Variants in SPOCK3 observed in about 807,000 individuals in gnomAD.
The protein encoded by SPOCK3 is testican-3.
In SPOCK3, 30 loss-of-function variants were observed where a neutral mutation model predicts 56.6. The observed-to-expected ratio is 0.53, with a 90% CI of 0.40 to 0.72. The LOEUF (loss-of-function observed/expected upper bound fraction) is 0.72. Among genes scored for constraint, SPOCK3 ranks in the 30% least tolerant of loss-of-function variants. SPOCK3 has a pLI of 0.00. For synonymous variants in SPOCK3, 196 were observed against 183.3 expected (o/e 1.07, Z -0.56); for missense variants, 527 against 530.0 (o/e 0.99, Z 0.06).
At chr4:166,819,903 G>C (rs541412996) in intron 6 of SPOCK3, among the ~76,000 whole-genome samples, 2 of 151,798 alleles carry the variant, frequency 1.3e-5, no homozygotes, top group African/African-American at 4.8e-5. Flanking sequence ...ATAATTTTTC[G>C]TAGAGACAGA....
intron 6 of SPOCK3, among the ~76,000 whole-genome samples, chr4:166,813,700 G>C (rs1407112521): frequency 6.6e-6 from 1 of 151,732 alleles, no homozygotes; most frequent in African/African-American, 2.4e-5. Context: ...GGAGTCTTCA[G>C]TAAGTTTATG....
In SPOCK3 at chr4:166,734,779, A is replaced by T; in HGVS notation, c.*142T>A. Reference sequence around the variant, plus strand: ...TTTAAACATAAAGTTCTATAACTTTAGCTGCAATTTTTCAAATAATTATAC... The same window carrying T: ...TTTAAACATAAAGTTCTATAACTTTTGCTGCAATTTTTCAAATAATTATAC... On this transcript the variant is annotated 3_prime_UTR_variant, in exon 11 of 11. Transcript: ENST00000357545. 1.4e-6 allele frequency: 1 copy of T among 704,544 alleles called. No homozygotes were observed. The highest frequency in any genetic ancestry group is 2.2e-6 in the Non-Finnish European group (1 of 447,370). The allele number at this position is 704,544 out of a possible 1,614,324, so 43.6% of individuals were successfully genotyped here.
At chr4:166,841,555 T>C (rs1413589891) in intron 6 of SPOCK3, among the ~76,000 whole-genome samples, 1 of 152,250 alleles carries the variant, frequency 6.6e-6, no homozygotes, top group Non-Finnish European at 1.5e-5. Flanking sequence ...TTTCTAGCTC[T>C]TATTTTTGTG....
intron 2 of SPOCK3, among the ~76,000 whole-genome samples, chr4:167,201,057 G>A (rs1412510002): frequency 1.3e-5 from 2 of 151,890 alleles, no homozygotes; most frequent in African/African-American, 2.4e-5. Context: ...TTAAGATACT[G>A]GCAATTTCTC....
At chr4:167,130,351 GTTTT>G (rs1190086119) in intron 2 of SPOCK3, among the ~76,000 whole-genome samples, 1 of 151,970 alleles carries the variant, frequency 6.6e-6, no homozygotes, top group African/African-American at 2.4e-5. Flanking sequence ...AAAATTTGGA[GTTTT>G]TTTATTTACT....
chr4:167,105,038 TA>T (rs1002043228), intron 2 of SPOCK3, among the ~76,000 whole-genome samples: 60 of 151,848 alleles, frequency 4.0e-4, no homozygotes, highest in African/African-American at 1.2e-3. Flanking sequence ...GAAAGAGAAA[TA>T]AAAGCTTTCT....
intron 3 of SPOCK3, among the ~76,000 whole-genome samples, chr4:167,013,749 C>A (rs549623649): frequency 6.6e-6 from 1 of 152,008 alleles, no homozygotes; most frequent in South Asian, 2.1e-4. Context: ...ACTAATATGG[C>A]GATTTTGGCT....
chr4:166,958,174 T>C (rs1277868426), intron 4 of SPOCK3, among the ~76,000 whole-genome samples: 1 of 152,162 alleles, frequency 6.6e-6, no homozygotes, highest in Non-Finnish European at 1.5e-5. Flanking sequence ...GTCTTCACAA[T>C]AGTGAGTGTG....
chr4:167,104,708 G>C (rs1167002133), intron 2 of SPOCK3, among the ~76,000 whole-genome samples: 2 of 151,960 alleles, frequency 1.3e-5, no homozygotes, highest in Non-Finnish European at 2.9e-5. Flanking sequence ...CCCAAACCTA[G>C]GGAAAGATAT....
At chr4:167,103,286 C>G (rs940318721) in intron 2 of SPOCK3, among the ~76,000 whole-genome samples, 1 of 152,110 alleles carries the variant, frequency 6.6e-6, no homozygotes. Context: ...GACAGAGCAC[C>G]AAGTGGGCCC....
At chr4:166,986,824 A>AAC (rs1374466350) in intron 4 of SPOCK3, among the ~76,000 whole-genome samples, 2 of 152,136 alleles carry the variant, frequency 1.3e-5, no homozygotes, top group East Asian at 1.9e-4. Context: ...TTTCTTCCAC[A>AAC]ACACACACAC....
chr4:166,819,212 G>A (rs1272577317), intron 6 of SPOCK3, among the ~76,000 whole-genome samples: 1 of 151,932 alleles, frequency 6.6e-6, no homozygotes, highest in Non-Finnish European at 1.5e-5. Context: ...GGAATGAGAG[G>A]GAGCTTCCTC....
intron 3 of SPOCK3, among the ~76,000 whole-genome samples, chr4:167,033,049 C>T (rs1289800184): frequency 6.6e-6 from 1 of 151,884 alleles, no homozygotes; most frequent in Non-Finnish European, 1.5e-5. Context: ...CCCATTATTG[C>T]CACTGTGATT....
chr4:167,106,801 C>T (rs1760200090), intron 2 of SPOCK3, among the ~76,000 whole-genome samples: 1 of 146,882 alleles, frequency 6.8e-6, no homozygotes, highest in African/African-American at 2.5e-5. Flanking sequence ...TAAATAAAAT[C>T]AGAGATGAAC....
At chr4:167,082,756 A>AGGGAGGG (rs1554033252) in intron 2 of SPOCK3, among the ~76,000 whole-genome samples, 8 of 112,218 alleles carry the variant, frequency 7.1e-5, no homozygotes, top group African/African-American at 2.5e-4. Flanking sequence ...GGAAGGAAGG[A>AGGGAGGG]AGGGAGGGAG....
At chr4:166,837,769 C>G (rs1746785689) in intron 6 of SPOCK3, among the ~76,000 whole-genome samples, 1 of 152,120 alleles carries the variant, frequency 6.6e-6, no homozygotes, top group Non-Finnish European at 1.5e-5. Flanking sequence ...CATGTCCTTT[C>G]TTCCTTTCTG....
chr4:167,090,573 G>A (rs553533807), intron 2 of SPOCK3, among the ~76,000 whole-genome samples: 217 of 151,620 alleles, frequency 1.4e-3, no homozygotes, highest in Non-Finnish European at 2.5e-3. Flanking sequence ...GCGAGATCTC[G>A]GCTCACCACA....
chr4:166,931,096 T>C (rs573311925), intron 4 of SPOCK3, among the ~76,000 whole-genome samples: 5 of 152,246 alleles, frequency 3.3e-5, no homozygotes, highest in East Asian at 1.9e-4. Context: ...ATTCTCCTGC[T>C]TCAGCCTCCC....
chr4:167,014,113 T>C (rs1293731871), intron 3 of SPOCK3, among the ~76,000 whole-genome samples: 1 of 152,276 alleles, frequency 6.6e-6, no homozygotes, highest in East Asian at 1.9e-4. Context: ...TAACGTGCCC[T>C]GCACTTCTAC....
Sources: gnomAD v4.1 joint callset for allele counts (sites outside exome capture counted in the v4.1 genomes callset) on GRCh38, gnomAD v4.1.1 for gene constraint, MANE v1.5 for transcripts, NCBI Gene and HGNC (gene_info 2026-07-23, HGNC 2026-07-21) for gene names.